The following PI4KA variants were observed in gnomAD, a reference collection of about 807,000 sequenced individuals.
The protein encoded by PI4KA is PI4-kinase alpha.
A neutral mutation model predicts 271.4 loss-of-function variants in PI4KA; 122 were observed. The observed-to-expected ratio is 0.45, with a 90% CI of 0.39 to 0.52. The LOEUF (loss-of-function observed/expected upper bound fraction) is 0.52. PI4KA is among the 20% of genes least tolerant of loss of function. The pLI, the probability that PI4KA is intolerant of heterozygous loss-of-function variation, is 0.00. For missense variants in PI4KA, 1,969 were observed against 2,769.1 expected, an observed-to-expected ratio of 0.71 and a Z score of 6.48; for synonymous variants, 1,041 against 1,078.8, an observed-to-expected ratio of 0.96 and a Z score of 0.69.
intron 29 of PI4KA, 54 bp from the exon 30 acceptor site, chr22:20,744,774 G>A: frequency 7.0e-7 from 1 of 1,418,924 alleles, no homozygotes; most frequent in South Asian, 1.2e-5. Flanking sequence ...CTTTCCTCGT[G>A]TTTACCATGG....
At chr22:20,787,217 CAAG>C (rs1934319986) in intron 19 of PI4KA, 2 of 723,660 alleles carry the variant, frequency 2.8e-6, no homozygotes, top group Admixed American at 2.1e-5. Context: ...TAGAAACGAC[CAAG>C]AAGAGAGGCT....
At chr22:20,841,566 C>T (rs1925557595) in intron 1 of PI4KA, among the ~76,000 whole-genome samples, 1 of 152,192 alleles carries the variant, frequency 6.6e-6, no homozygotes, top group Non-Finnish European at 1.5e-5. Flanking sequence ...AAGAACAACT[C>T]AGAGATCCAT....
intron 19 of PI4KA, among the ~76,000 whole-genome samples, chr22:20,781,029 T>C (rs936044795): frequency 3.3e-5 from 5 of 152,224 alleles, no homozygotes; most frequent in East Asian, 1.9e-4. Context: ...GCAGCTGACA[T>C]TGACACCTAC....
At chr22:20,738,786 T>G (rs1193339347) in intron 32 of PI4KA, among the ~76,000 whole-genome samples, 1 of 151,918 alleles carries the variant, frequency 6.6e-6, no homozygotes, top group East Asian at 1.9e-4. Context: ...AAAAATCCCT[T>G]TAAGACACCT....
chr22:20,830,178 C>G (rs1923967420), intron 3 of PI4KA, among the ~76,000 whole-genome samples: 1 of 152,140 alleles, frequency 6.6e-6, no homozygotes, highest in Non-Finnish European at 1.5e-5. Context: ...GAGTTTAAAT[C>G]CTGAATATCT....
intron 19 of PI4KA, chr22:20,780,218 C>G: frequency 1.2e-6 from 2 of 1,614,204 alleles, no homozygotes; most frequent in Non-Finnish European, 1.7e-6. Context: ...GGCACCTTTA[C>G]AGTTCTCACA....
At position 20,773,607 on chromosome 22, in the gene PI4KA, G is replaced by T. The variant is rs117988453; in HGVS notation, c.2329-7914C>A. ...ATGCCACAATCCCCTTATTCTGTAA[G>T]CCACTAATTTTGTCCTCTCTCCTCC... On this transcript the variant is annotated intron_variant, in intron 19 of 54. Transcript: ENST00000255882. Among the ~76,000 whole-genome samples, 1,145 of 152,258 alleles carry T rather than the reference G, an allele frequency of 7.5e-3. 10 individuals are homozygous for T. The highest frequency in any genetic ancestry group is 0.055 in the East Asian group (285 of 5,184).
intron 23 of PI4KA, among the ~76,000 whole-genome samples, chr22:20,760,227 C>T (rs1189946000): frequency 6.6e-6 from 1 of 152,156 alleles, no homozygotes; most frequent in Non-Finnish European, 1.5e-5. Flanking sequence ...TGTGGATTCT[C>T]CCCAATTCCC....
chr22:20,719,982 T>A (rs1926509487), intron 43 of PI4KA, among the ~76,000 whole-genome samples: 1 of 132,034 alleles, frequency 7.6e-6, no homozygotes. Flanking sequence ...GCCGAGATCG[T>A]GCCACTGCAC....
At position 20,834,565 on chromosome 22, in the gene PI4KA, T is replaced by A; in HGVS notation, c.364A>T (p.Arg122Ter). 6.3e-7 allele frequency: 1 copy of A among 1,580,182 alleles called. No homozygotes were observed. Among genetic ancestry groups the A allele is most frequent in the South Asian group, 1.1e-5 (1 of 90,332 alleles). Residue 122 changes from arginine to a stop codon, truncating the protein, a stop_gained, in exon 3 of 55, where the codon AGA (arginine) becomes TGA (stop). Transcript: ENST00000255882. LOFTEE classifies it high-confidence loss of function. Reference protein sequence around the residue: ...WVEESTARKGRGALPVAESFS... With the variant: ...WVEESTARKG ...GGAAAACATTATATACAATTACCTCTGCCTTTCCGAGCTGTGCTTTCTTCT... is the reference window on the plus strand; with the variant it reads ...GGAAAACATTATATACAATTACCTCAGCCTTTCCGAGCTGTGCTTTCTTCT...
Position 20,838,960 on chromosome 22 carries a change from T to C in PI4KA, c.157-229A>G, listed in dbSNP as rs543364117. Among the ~76,000 whole-genome samples, 9 of 152,334 alleles carry C rather than the reference T, an allele frequency of 5.9e-5. No homozygotes were observed. In the South Asian group the frequency reaches 1.9e-3, roughly 32 times the overall value. On this transcript the variant is annotated intron_variant, in intron 1 of 54. Transcript: ENST00000255882. ...GGCCAGGTGCAGTGGCTCACACCTG[T>C]AATCCCAACCCTTTGGGAGGCCAAT...
At chr22:20,843,994 C>T (rs1364997403) in intron 1 of PI4KA, among the ~76,000 whole-genome samples, 1 of 152,146 alleles carries the variant, frequency 6.6e-6, no homozygotes, top group Non-Finnish European at 1.5e-5. Context: ...CCCTATCTCC[C>T]CTATAAAAAT....
intron 36 of PI4KA, 101 bp from the exon 37 acceptor site, chr22:20,730,112 G>A: frequency 1.5e-6 from 2 of 1,356,080 alleles, no homozygotes; most frequent in Admixed American, 2.2e-5. Flanking sequence ...ATTAGTGGCA[G>A]AGCAGGCATT....
intron 45 of PI4KA, 110 bp from the exon 46 acceptor site, chr22:20,714,810 G>A (rs568439130): frequency 8.9e-5 from 117 of 1,310,168 alleles, no homozygotes; most frequent in South Asian, 1.6e-4. Context: ...GGCACACCCC[G>A]CCCCTGTGGA....
At chr22:20,765,495 A>T in intron 20 of PI4KA, 90 bp downstream of exon 20, 1 of 885,022 alleles carries the variant, frequency 1.1e-6, no homozygotes, top group South Asian at 1.4e-5. Flanking sequence ...TCATTTAAAC[A>T]TGCTCACATT....
intron 19 of PI4KA, chr22:20,787,185 C>A: frequency 1.1e-6 from 1 of 928,672 alleles, no homozygotes; most frequent in African/African-American, 1.6e-5. Context: ...AATCTGAATT[C>A]GAGGCCCATA....
chr22:20,820,692 G>A, intron 4 of PI4KA, 81 bp from the exon 5 acceptor site: 3 of 984,096 alleles, frequency 3.0e-6, no homozygotes, highest in South Asian at 2.7e-5. Flanking sequence ...GAATTAGAAG[G>A]CACTTCAGAC....
chr22:20,743,615 T>C (rs111614446), intron 30 of PI4KA, among the ~76,000 whole-genome samples: 175 of 152,256 alleles, frequency 1.1e-3, no homozygotes, highest in African/African-American at 4.1e-3. Flanking sequence ...GCCACTGTGC[T>C]TGGCCAACCT....
chr22:20,816,180 T>A (rs1601558715), intron 7 of PI4KA, among the ~76,000 whole-genome samples: 1 of 152,146 alleles, frequency 6.6e-6, no homozygotes, highest in South Asian at 2.1e-4. Flanking sequence ...TCTCAAGTGA[T>A]CCACCTGTCC....
Sources: gnomAD v4.1 joint callset for allele counts (sites outside exome capture counted in the v4.1 genomes callset) on GRCh38, gnomAD v4.1.1 for gene constraint, MANE v1.5 for transcripts, NCBI Gene and HGNC (gene_info 2026-07-23, HGNC 2026-07-21) for gene names.